MMP28: variants seen among roughly 807,000 people sequenced by gnomAD.
MMP28 encodes the protein matrix metalloproteinase-28.
Under a neutral mutation model 60.5 loss-of-function variants are expected in MMP28, and 55 were observed. The observed-to-expected ratio is 0.91, with a 90% CI of 0.73 to 1.14. The LOEUF is 1.14. Ranked by LOEUF, MMP28 falls within the 50% of genes most tolerant of loss-of-function variation. The pLI is 0.00. For synonymous variants in MMP28, 318 were observed against 312.5 expected (o/e 1.02, Z -0.18); for missense variants, 686 against 738.3 (o/e 0.93, Z 0.82).
chr17:35,793,604 G>A (rs1166325699), intron 1 of MMP28, among the ~76,000 whole-genome samples: 2 of 152,160 alleles, frequency 1.3e-5, no homozygotes, highest in African/African-American at 4.8e-5. Context: ...AGTAGTGATG[G>A]GAGCTGGGTG....
At chr17:35,772,464 T>G (rs1014065046) in intron 4 of MMP28, among the ~76,000 whole-genome samples, 9 of 152,304 alleles carry the variant, frequency 5.9e-5, no homozygotes, top group African/African-American at 2.2e-4. Context: ...TGGGCTTTGC[T>G]GTAGGTGGGC....
intron 5 of MMP28, among the ~76,000 whole-genome samples, chr17:35,769,501 G>T (rs1555604627): frequency 1.3e-5 from 2 of 152,220 alleles, no homozygotes; most frequent in Non-Finnish European, 2.9e-5. Context: ...CACTCTGAGG[G>T]AGACAGCCCT....
chr17:35,777,207 C>T (rs529528722), intron 3 of MMP28, among the ~76,000 whole-genome samples: 12 of 152,366 alleles, frequency 7.9e-5, no homozygotes, highest in Non-Finnish European at 1.5e-5. Context: ...GAGACTTGAA[C>T]CCAGGGCCTC....
chr17:35,771,733 A>G (rs1329225737), intron 4 of MMP28, among the ~76,000 whole-genome samples: 1 of 75,032 alleles, frequency 1.3e-5, no homozygotes, highest in Non-Finnish European at 2.8e-5. Flanking sequence ...ATATATATAT[A>G]TATATATATA....
Position 35,780,049 on chromosome 17 carries a change from A to ATATT in MMP28, c.112-730_112-727dup, listed in dbSNP as rs113557406. On this transcript the variant is annotated intron_variant, in intron 1 of 7. Transcript: ENST00000605424. ...AGTTATCTTCCCCACCGATGTAGAT[A>ATATT]TATTTATTTATTTATTTATTTTATT... Among the ~76,000 whole-genome samples the ATATT allele has an allele frequency of 2.4e-4, 37 of 152,136 alleles. 1 individual carries two copies. The highest frequency in any genetic ancestry group is 6.0e-4 in the African/African-American group (25 of 41,524).
chr17:35,763,890 C>A, downstream of MMP28: 1 of 652,310 alleles, frequency 1.5e-6, no homozygotes, highest in Non-Finnish European at 2.0e-6. Flanking sequence ...GAGAGAGACC[C>A]TGTCTCAAAA....
intron 1 of MMP28, among the ~76,000 whole-genome samples, chr17:35,794,877 G>C (rs906457720): frequency 1.3e-5 from 2 of 152,182 alleles, no homozygotes; most frequent in Non-Finnish European, 2.9e-5. Flanking sequence ...GCCAGCCAGC[G>C]GTACCCTCTC....
At chr17:35,770,372 G>A in intron 4 of MMP28, 60 bp from the exon 5 acceptor site, 4 of 1,443,892 alleles carry the variant, frequency 2.8e-6, no homozygotes, top group Non-Finnish European at 3.6e-6. Flanking sequence ...AGGTACTCGC[G>A]GCCCAGCGCA....
rs563321974 is a variant in MMP28, at chr17:35,770,277, C to G, written c.640G>C (p.Gly214Arg). 381 of 1,558,368 alleles carry G rather than the reference C, an allele frequency of 2.4e-4. 3 individuals carry two copies. In the Middle Eastern group the frequency reaches 5.8e-3, roughly 24 times the overall value. The change falls in exon 5 of 8, where the codon GGC (glycine) becomes CGC (arginine). Residue 214 changes from glycine to arginine, a missense_variant. Coordinates refer to ENST00000605424, the MANE Select transcript of MMP28 (RefSeq NM_024302.5). Reference protein sequence around the residue: ...ALAHAFLPRRGEAHFDQDERW... With the variant: ...ALAHAFLPRRREAHFDQDERW... ...TCATCTTGGTCGAAGTGCGCTTCGC[C>G]GCGGCGGGGCAGGAAGGCGTGCGCC...
chr17:35,770,019 T>TG (rs1555604787), intron 5 of MMP28, 48 bp downstream of exon 5: 1 of 1,496,870 alleles, frequency 6.7e-7, no homozygotes, highest in South Asian at 1.4e-5. Flanking sequence ...ACAGGAGGCC[T>TG]TGGGGGCAGG....
downstream of MMP28, chr17:35,764,093 G>GA: frequency 6.5e-7 from 1 of 1,550,108 alleles, no homozygotes; most frequent in Non-Finnish European, 8.7e-7. Context: ...GGGGTCGGAG[G>GA]ACGAGGACGA....
intron 3 of MMP28, among the ~76,000 whole-genome samples, chr17:35,773,825 C>G (rs996074748): frequency 2.6e-5 from 4 of 152,330 alleles, no homozygotes. Context: ...CCTGCAGTGT[C>G]AGAGTGGAGG....
At chr17:35,770,943 T>C (rs1016372137) in intron 4 of MMP28, among the ~76,000 whole-genome samples, 2 of 152,068 alleles carry the variant, frequency 1.3e-5, no homozygotes, top group Non-Finnish European at 2.9e-5. Flanking sequence ...CCCCAGCTAC[T>C]TGGGAAGCTG....
downstream of MMP28, chr17:35,764,326 G>A (rs1555602237): frequency 3.4e-6 from 5 of 1,470,884 alleles, no homozygotes; most frequent in Middle Eastern, 2.4e-4. Context: ...CCACCGACAG[G>A]TGCCTGCGCG....
chr17:35,767,605 T>G (rs1741929771), intron 7 of MMP28, 147 bp downstream of exon 7: 1 of 958,494 alleles, frequency 1.0e-6, no homozygotes, highest in Non-Finnish European at 1.5e-6. Flanking sequence ...TGATAGAGTC[T>G]TCCCTGGGGT....
chr17:35,776,273 G>A (rs1371115854), intron 3 of MMP28, among the ~76,000 whole-genome samples: 1 of 151,694 alleles, frequency 6.6e-6, no homozygotes, highest in Non-Finnish European at 1.5e-5. Flanking sequence ...CCGGGTTCAA[G>A]GAATTCTCCT....
At chr17:35,782,297 C>T (rs1190727510) in intron 1 of MMP28, among the ~76,000 whole-genome samples, 3 of 152,060 alleles carry the variant, frequency 2.0e-5, no homozygotes, top group Non-Finnish European at 4.4e-5. Flanking sequence ...CCTCATGATC[C>T]GCCCGCCTCA....
chr17:35,787,899 C>CTTTTTTTTTTTT (rs532350874), intron 1 of MMP28, among the ~76,000 whole-genome samples: 4 of 104,416 alleles, frequency 3.8e-5, no homozygotes, highest in East Asian at 3.3e-4. Context: ...TTTTCTTTCC[C>CTTTTTTTTTTTT]TTTTTTTTTT....
At chr17:35,770,447 C>T (rs1555605213) in intron 4 of MMP28, 135 bp from the exon 5 acceptor site, 1 of 1,199,902 alleles carries the variant, frequency 8.3e-7, no homozygotes. Flanking sequence ...TCTGGCAGAA[C>T]CTGAAGTGTG....
Sources: gnomAD v4.1 joint callset for allele counts (sites outside exome capture counted in the v4.1 genomes callset) on GRCh38, gnomAD v4.1.1 for gene constraint, MANE v1.5 for transcripts, NCBI Gene and HGNC (gene_info 2026-07-23, HGNC 2026-07-21) for gene names.